CEP128: variants seen among roughly 807,000 people sequenced by gnomAD.
CEP128 encodes the protein centrosomal protein 128.
CEP128 carries 132 observed loss-of-function variants against 156.7 expected under a neutral mutation model. The ratio of observed to expected loss-of-function variants is 0.84; its 90% CI spans 0.73 to 0.97. The LOEUF is 0.97. Ranked by LOEUF, CEP128 falls within the 50% of genes least tolerant of loss-of-function variation. The probability of loss-of-function intolerance (pLI) is 0.00; values close to 1 mark genes in which losing one functional copy is unlikely to be tolerated. For synonymous variants in CEP128, 469 were observed against 448.9 expected, an observed-to-expected ratio of 1.04 and a Z score of -0.57; for missense variants, 1,252 against 1,281.9, an observed-to-expected ratio of 0.98 and a Z score of 0.36.
At chr14:80,538,287 A>C (rs759110469) in intron 21 of CEP128, among the ~76,000 whole-genome samples, 15 of 152,194 alleles carry the variant, frequency 9.9e-5, no homozygotes, top group Non-Finnish European at 2.1e-4. Flanking sequence ...AGCCAAACTT[A>C]ATTAAAACTA....
intron 19 of CEP128, among the ~76,000 whole-genome samples, chr14:80,697,329 G>T (rs1053983898): frequency 1.3e-4 from 19 of 151,974 alleles, no homozygotes; most frequent in African/African-American, 4.6e-4. Flanking sequence ...GAATTTACAG[G>T]TTCTAAAGGG....
chr14:80,672,307 C>CAA (rs11323956), intron 19 of CEP128, among the ~76,000 whole-genome samples: 7 of 145,288 alleles, frequency 4.8e-5, no homozygotes, highest in Non-Finnish European at 6.0e-5. Flanking sequence ...CCTAATAAGC[C>CAA]AAAAAAAAAA....
chr14:80,564,171 T>C (rs1890813761), intron 20 of CEP128, among the ~76,000 whole-genome samples: 1 of 152,212 alleles, frequency 6.6e-6, no homozygotes, highest in Non-Finnish European at 1.5e-5. Context: ...TATTATTCTT[T>C]AGTTCTAAGA....
At position 80,774,312 on chromosome 14, in the gene CEP128, G is replaced by A. The variant is rs541808043; in HGVS notation, c.2376+3570C>T. Among the ~76,000 whole-genome samples the A allele has an allele frequency of 1.3e-4, 20 of 152,276 alleles. 1 individual carries two copies. Among genetic ancestry groups the A allele is most frequent in the Admixed American group, 7.8e-4 (12 of 15,292 alleles). ...TTTAAAAAAAAGGCTGTGTGTATTG[G>A]TAGCCTCAGTAACATCACACATTGA... On this transcript the variant is annotated intron_variant, in intron 16 of 24. Transcript: ENST00000555265.
At position 80,485,422 on chromosome 14, in the gene CEP128, T is replaced by C. The variant is rs1887140893; in HGVS notation, c.*311-7015A>G. On this transcript the variant is annotated intron_variant and NMD_transcript_variant, in intron 14 of 14. Coordinates refer to the CEP128 transcript ENST00000554502. ...TCATTCCTTTTTCTGAGAAGAGCAA[T>C]AAACAGTGAAATATGAATGAGTAAT... Among the ~76,000 whole-genome samples, 3 of 152,036 alleles carry C rather than the reference T, an allele frequency of 2.0e-5. No individual in the cohort carries two copies. The South Asian group carries it at 6.2e-4, about 32-fold the overall frequency.
At chr14:80,871,258 TG>T (rs1888013476) in intron 8 of CEP128, among the ~76,000 whole-genome samples, 1 of 152,134 alleles carries the variant, frequency 6.6e-6, no homozygotes, top group Non-Finnish European at 1.5e-5. Flanking sequence ...ATAATTTGCC[TG>T]CAGTGAGAAG....
intron 2 of CEP128, among the ~76,000 whole-genome samples, chr14:80,938,060 C>T (rs999935133): frequency 6.6e-6 from 1 of 151,292 alleles, no homozygotes; most frequent in Middle Eastern, 3.4e-3. Context: ...CCATGCCTGG[C>T]TAATTTTTTG....
At chr14:80,939,154 A>T (rs1287687232) in intron 2 of CEP128, among the ~76,000 whole-genome samples, 1 of 152,266 alleles carries the variant, frequency 6.6e-6, no homozygotes, top group Non-Finnish European at 1.5e-5. Flanking sequence ...TAATAGAAAC[A>T]GGTACATCAC....
chr14:80,693,687 C>T (rs946237093), intron 19 of CEP128, among the ~76,000 whole-genome samples: 2 of 152,080 alleles, frequency 1.3e-5, no homozygotes, highest in Non-Finnish European at 2.9e-5. Context: ...CATAAAGAGG[C>T]AGTTCCCTAT....
intron 14 of CEP128, among the ~76,000 whole-genome samples, chr14:80,786,331 G>C (rs1901404180): frequency 6.6e-6 from 1 of 152,076 alleles, no homozygotes; most frequent in Non-Finnish European, 1.5e-5. Flanking sequence ...TGGCACCAAA[G>C]ATAATCTCCG....
At chr14:80,503,932 A>G (rs1379577882) in intron 24 of CEP128, among the ~76,000 whole-genome samples, 1 of 152,196 alleles carries the variant, frequency 6.6e-6, no homozygotes, top group Non-Finnish European at 1.5e-5. Flanking sequence ...ATGAATATAA[A>G]CCAGCAAAAA....
chr14:80,855,082 T>C (rs1887078523), intron 9 of CEP128, among the ~76,000 whole-genome samples: 1 of 152,206 alleles, frequency 6.6e-6, no homozygotes, highest in Admixed American at 6.5e-5. Context: ...CACACAACTT[T>C]ACCCCGTGAA....
intron 19 of CEP128, among the ~76,000 whole-genome samples, chr14:80,617,385 C>G (rs1893267188): frequency 1.3e-5 from 2 of 151,774 alleles, no homozygotes; most frequent in Non-Finnish European, 2.9e-5. Context: ...CGCAAGACGC[C>G]ACGCCTGGCT....
At chr14:80,591,234 C>T (rs1038852421) in intron 19 of CEP128, among the ~76,000 whole-genome samples, 1 of 151,906 alleles carries the variant, frequency 6.6e-6, no homozygotes, top group African/African-American at 2.4e-5. Context: ...AGAGTCAAGA[C>T]CCATCGGTGT....
intron 19 of CEP128, among the ~76,000 whole-genome samples, chr14:80,688,517 T>C (rs763340177): frequency 8.5e-5 from 13 of 152,206 alleles, no homozygotes; most frequent in African/African-American, 2.4e-5. Context: ...AAGAAGCTCA[T>C]TGCAATAGTT....
chr14:80,619,404 A>ACACACACACACG, intron 19 of CEP128, among the ~76,000 whole-genome samples: 1 of 151,802 alleles, frequency 6.6e-6, no homozygotes, highest in East Asian at 1.9e-4. Flanking sequence ...ACACACACAC[A>ACACACACACACG]CAAATAGAAA....
At chr14:80,623,210 C>CA (rs1407501056) in intron 19 of CEP128, among the ~76,000 whole-genome samples, 29 of 141,726 alleles carry the variant, frequency 2.0e-4, no homozygotes, top group African/African-American at 6.6e-4. Flanking sequence ...GTCGCAAGGA[C>CA]AAAAAACCAA....
At chr14:80,587,412 C>G (rs944229121) in intron 19 of CEP128, among the ~76,000 whole-genome samples, 2 of 152,198 alleles carry the variant, frequency 1.3e-5, no homozygotes, top group African/African-American at 4.8e-5. Context: ...GAAAGGTTTA[C>G]AGTTCACTGT....
rs189694026 is a variant in CEP128 at position 80,869,689 on chromosome 14, A to G, written c.646-6816T>C. On this transcript the variant is annotated intron_variant, in intron 8 of 24. Coordinates refer to ENST00000555265, the MANE Select transcript of CEP128 (RefSeq NM_152446.5). ...TTGGGTAAACTTTTATTTTAGGTTC[A>G]GGGGTACATGGGCAGGTTTGTTACA... Among the ~76,000 whole-genome samples, 239 of 152,158 alleles carry G rather than the reference A, an allele frequency of 1.6e-3. 3 individuals are homozygous for G. The Middle Eastern group carries it at 0.024, about 15-fold the overall frequency.
Sources: allele counts gnomAD v4.1 joint callset (sites outside exome capture counted in the v4.1 genomes callset), GRCh38; gene constraint gnomAD v4.1.1; transcripts MANE v1.5; gene names NCBI Gene and HGNC (gene_info 2026-07-23, HGNC 2026-07-21).